Variants in BLM observed in about 807,000 individuals in gnomAD.
BLM encodes recQ-like DNA helicase BLM.
A neutral mutation model predicts 135.3 loss-of-function variants in BLM; 95 were observed. That is an observed-to-expected ratio of 0.70 (90% CI 0.59 to 0.83). The LOEUF (loss-of-function observed/expected upper bound fraction) is 0.83. BLM is among the 40% of genes least tolerant of loss of function. The pLI, the probability that BLM is intolerant of heterozygous loss-of-function variation, is 0.00. For missense variants in BLM, 1,518 were observed against 1,663.9 expected (o/e 0.91, Z 1.53); for synonymous variants, 520 against 589.2 (o/e 0.88, Z 1.70).
chr15:90,745,066 T>G (rs560578392), intron 1 of BLM, among the ~76,000 whole-genome samples: 1 of 151,818 alleles, frequency 6.6e-6, no homozygotes, highest in East Asian at 1.9e-4. Context: ...AAAACAAGAA[T>G]TAGGGATGCT....
At chr15:90,807,663 G>A (rs934463073) in intron 19 of BLM, among the ~76,000 whole-genome samples, 2 of 152,150 alleles carry the variant, frequency 1.3e-5, no homozygotes, top group Admixed American at 1.3e-4. Context: ...GCCTCCCAAA[G>A]TATTGGGATT....
In BLM at chr15:90,738,684, A is replaced by C. The variant is rs112160303; in HGVS notation, c.-4-8705A>C. 2.0e-3 allele frequency among the ~76,000 whole-genome samples: 308 copies of C among 152,350 alleles called. 4 individuals are homozygous for C. Among genetic ancestry groups the C allele is most frequent in the Middle Eastern group, 6.8e-3 (2 of 294 alleles). On this transcript the variant is annotated intron_variant, in intron 1 of 21. Coordinates refer to ENST00000355112, the MANE Select transcript of BLM (RefSeq NM_000057.4). ...ACACTTCACCAAAGAAGATATACAAATGGCCAATAAGCAAATGAAAAGATG... is the reference window on the plus strand; with the variant it reads ...ACACTTCACCAAAGAAGATATACAACTGGCCAATAAGCAAATGAAAAGATG...
chr15:90,756,374 A>T (rs1895820281), intron 5 of BLM, among the ~76,000 whole-genome samples: 1 of 152,134 alleles, frequency 6.6e-6, no homozygotes, highest in Non-Finnish European at 1.5e-5. Context: ...AAGTGCTGGG[A>T]TTACAGGCGT....
chr15:90,797,414 CAAAAAAAA>C (rs56369282), intron 16 of BLM, among the ~76,000 whole-genome samples: 6 of 109,576 alleles, frequency 5.5e-5, no homozygotes, highest in African/African-American at 1.3e-4. Flanking sequence ...AACTCCATCT[CAAAAAAAA>C]AAAAAAAAAA....
intron 1 of BLM, among the ~76,000 whole-genome samples, chr15:90,737,860 G>T (rs1437022968): frequency 1.3e-5 from 2 of 151,986 alleles, no homozygotes; most frequent in African/African-American, 4.8e-5. Flanking sequence ...AAGCAGTAGA[G>T]AAATTGACAA....
intron 1 of BLM, among the ~76,000 whole-genome samples, chr15:90,745,339 A>G (rs1053312428): frequency 1.3e-5 from 2 of 152,214 alleles, no homozygotes. Flanking sequence ...CACTATTTGA[A>G]GGTGGTGAAA....
rs28385076 is a variant in BLM at position 90,791,141 on chromosome 15, C to G, written c.3019+297C>G. Among the ~76,000 whole-genome samples the G allele has an allele frequency of 2.9e-4, 44 of 152,232 alleles. 1 individual carries two copies. Among genetic ancestry groups the G allele is most frequent in the Middle Eastern group, 6.8e-3 (2 of 294 alleles). On this transcript the variant is annotated intron_variant, in intron 15 of 21. Coordinates refer to ENST00000355112, the MANE Select transcript of BLM (RefSeq NM_000057.4). ...TTGGTTTCCTTTGTATCCTTTCAGA[C>G]CCTATTTCTGCATGCATTCTTGCAT...
chr15:90,799,114 G>C (rs1473152571), intron 17 of BLM, among the ~76,000 whole-genome samples: 1 of 151,304 alleles, frequency 6.6e-6, no homozygotes, highest in Non-Finnish European at 1.5e-5. Context: ...GCAGTGAGCC[G>C]AGGTCACGCC....
chr15:90,802,936 A>G (rs903024303), intron 17 of BLM, among the ~76,000 whole-genome samples: 1 of 152,152 alleles, frequency 6.6e-6, no homozygotes, highest in Admixed American at 6.6e-5. Context: ...CTACACAAAT[A>G]TATACACCTA....
chr15:90,735,250 T>TATATAC, intron 1 of BLM, among the ~76,000 whole-genome samples: 1 of 143,816 alleles, frequency 7.0e-6, no homozygotes, highest in African/African-American at 2.5e-5. Context: ...TATATATATA[T>TATATAC]ATATATATAT....
At chr15:90,731,760 G>A (rs1316720368) in intron 1 of BLM, among the ~76,000 whole-genome samples, 1 of 151,248 alleles carries the variant, frequency 6.6e-6, no homozygotes, top group Admixed American at 6.6e-5. Context: ...GAACAAACTT[G>A]GTTTATTGAT....
Position 90,750,033 on chromosome 15 carries a change from T to G in BLM, c.765T>G (p.Ser255Arg). 1 of 1,614,188 alleles carries G rather than the reference T, an allele frequency of 6.2e-7. No individual in the cohort carries two copies. The highest frequency in any genetic ancestry group is 1.7e-5 in the Admixed American group (1 of 60,028). Residue 255 changes from serine (S) to arginine (R), a missense_variant, in exon 3 of 22, where the codon AGT (serine) becomes AGG (arginine). Ser to Arg is a moderately radical substitution (Grantham distance 110). This residue lies in a region of BLM where 724 missense variants were observed against 756.9 expected (regional missense o/e 0.96). Transcript: ENST00000355112. ...EVHINEDAQE[S>R]DSLKTHLEDE... The stretch of plus-strand genomic sequence containing the variant: ...ATATAAATGAAGATGCTCAGGAAAG[T>G]GACTCTCTGAAAACTCATTTGGAAG...
intron 12 of BLM, among the ~76,000 whole-genome samples, chr15:90,777,298 C>G (rs1896504554): frequency 6.6e-6 from 1 of 152,014 alleles, no homozygotes; most frequent in South Asian, 2.1e-4. Context: ...ATTACAGGCG[C>G]CCGCCACCAT....
At chr15:90,767,083 TA>T (rs1232950032) in intron 10 of BLM, 60 bp downstream of exon 10, 3 of 1,138,006 alleles carry the variant, frequency 2.6e-6, no homozygotes, top group Non-Finnish European at 3.7e-6. Flanking sequence ...CATATATTTT[TA>T]AGATTTTAAC....
chr15:90,783,665 C>T (rs900187370), intron 13 of BLM, among the ~76,000 whole-genome samples: 3 of 152,082 alleles, frequency 2.0e-5, no homozygotes, highest in Non-Finnish European at 4.4e-5. Flanking sequence ...TTTGGGAGGC[C>T]GAGGTGGGTG....
intron 12 of BLM, among the ~76,000 whole-genome samples, chr15:90,779,326 AT>A (rs1896562163): frequency 6.6e-6 from 1 of 152,070 alleles, no homozygotes; most frequent in African/African-American, 2.4e-5. Context: ...TGACCCAAAG[AT>A]TTTTTTAAAT....
At chr15:90,733,016 C>G (rs1895108884) in intron 1 of BLM, among the ~76,000 whole-genome samples, 1 of 152,068 alleles carries the variant, frequency 6.6e-6, no homozygotes, top group Non-Finnish European at 1.5e-5. Flanking sequence ...TTGCTTGAAC[C>G]TGGAAGGCAG....
intron 1 of BLM, among the ~76,000 whole-genome samples, chr15:90,724,952 A>C (rs1894870922): frequency 6.6e-6 from 1 of 152,194 alleles, no homozygotes; most frequent in South Asian, 2.1e-4. Flanking sequence ...TCTGTCGCCC[A>C]GGCTGGAGTG....
intron 12 of BLM, among the ~76,000 whole-genome samples, chr15:90,775,315 T>C (rs1196103831): frequency 6.6e-6 from 1 of 152,088 alleles, no homozygotes; most frequent in East Asian, 1.9e-4. Context: ...TGATTTTAGA[T>C]GCATGATGCC....
Sources: gnomAD v4.1 joint callset for allele counts (sites outside exome capture counted in the v4.1 genomes callset) on GRCh38, gnomAD v4.1.1 for gene constraint, gnomAD v4.1.1 regional missense constraint, MANE v1.5 for transcripts, NCBI Gene and HGNC (gene_info 2026-07-23, HGNC 2026-07-21) for gene names.